Variants in NELL2 observed in about 807,000 individuals in gnomAD.
NELL2 encodes the protein protein kinase C-binding protein NELL2.
Under a neutral mutation model 109.6 loss-of-function variants are expected in NELL2, and 41 were observed. The ratio of observed to expected loss-of-function variants is 0.37; its 90% CI spans 0.29 to 0.49. The LOEUF is 0.49. Among genes scored for constraint, NELL2 ranks in the 20% least tolerant of loss-of-function variants. The pLI, the probability that NELL2 is intolerant of heterozygous loss-of-function variation, is 0.98. For missense variants in NELL2, 900 were observed against 1,008.3 expected (o/e 0.89, Z 1.45); for synonymous variants, 355 against 344.7 (o/e 1.03, Z -0.33).
At chr12:44,724,136 C>G (rs562740403) in intron 9 of NELL2, among the ~76,000 whole-genome samples, 1 of 151,680 alleles carries the variant, frequency 6.6e-6, no homozygotes, top group African/African-American at 2.4e-5. Context: ...CAACCTAACA[C>G]GAGATCAGAA....
chr12:44,749,273 A>G (rs1234990025), intron 9 of NELL2, among the ~76,000 whole-genome samples: 1 of 152,204 alleles, frequency 6.6e-6, no homozygotes, highest in Non-Finnish European at 1.5e-5. Context: ...TAAATAATGC[A>G]TTATCAGCTT....
intron 6 of NELL2, 34 bp downstream of exon 6, chr12:44,777,208 G>A: frequency 6.2e-7 from 1 of 1,606,744 alleles, no homozygotes; most frequent in Non-Finnish European, 8.5e-7. Flanking sequence ...AGTAATATAT[G>A]GGGACTCCAC....
At position 44,513,798 on chromosome 12, in the gene NELL2, G is replaced by A. The variant is rs534239388; in HGVS notation, c.2401-4814C>T. 1.7e-4 allele frequency among the ~76,000 whole-genome samples: 26 copies of A among 151,840 alleles called. No homozygotes were observed. The East Asian group carries it at 4.8e-3, about 28-fold the overall frequency. ...TTTAGGATAATTAAACCATCTAAGCGAATGTTTAATTGGAGTCTCAGAAAA... is the reference window on the plus strand; with the variant it reads ...TTTAGGATAATTAAACCATCTAAGCAAATGTTTAATTGGAGTCTCAGAAAA... On this transcript the variant is annotated intron_variant, in intron 19 of 19. Coordinates refer to ENST00000429094, the MANE Select transcript of NELL2 (RefSeq NM_001145108.2).
intron 13 of NELL2, among the ~76,000 whole-genome samples, chr12:44,649,015 C>T (rs1488406692): frequency 1.3e-5 from 2 of 151,264 alleles, no homozygotes; most frequent in African/African-American, 4.9e-5. Flanking sequence ...ATCCGCCCAC[C>T]TTGGCCTCCC....
intron 15 of NELL2, among the ~76,000 whole-genome samples, chr12:44,569,050 T>C (rs577586580): frequency 5.9e-5 from 9 of 152,068 alleles, no homozygotes; most frequent in Non-Finnish European, 7.4e-5. Flanking sequence ...CACCTTCCAA[T>C]AGGCCCCAGT....
intron 15 of NELL2, among the ~76,000 whole-genome samples, chr12:44,537,094 T>A (rs1481917365): frequency 2.0e-5 from 3 of 151,772 alleles, no homozygotes; most frequent in African/African-American, 7.3e-5. Context: ...GTTTTCTTTG[T>A]CTCTTTCAGG....
chr12:44,694,393 A>C (rs1274273913), intron 12 of NELL2, among the ~76,000 whole-genome samples: 1 of 152,048 alleles, frequency 6.6e-6, no homozygotes, highest in Non-Finnish European at 1.5e-5. Flanking sequence ...AAACTATACC[A>C]CTGGCTCTCC....
At chr12:44,658,646 A>T (rs1168724678) in intron 13 of NELL2, among the ~76,000 whole-genome samples, 1 of 152,114 alleles carries the variant, frequency 6.6e-6, no homozygotes, top group East Asian at 1.9e-4. Flanking sequence ...AATCCTAAGC[A>T]AAAAGGGATC....
chr12:44,805,687 A>T (rs1942976548), intron 3 of NELL2, among the ~76,000 whole-genome samples: 1 of 151,922 alleles, frequency 6.6e-6, no homozygotes, highest in Admixed American at 6.6e-5. Context: ...TTAAACACAG[A>T]TGTATTATTA....
At chr12:44,706,176 A>G (rs1222413090) in intron 11 of NELL2, among the ~76,000 whole-genome samples, 1 of 152,158 alleles carries the variant, frequency 6.6e-6, no homozygotes, top group Admixed American at 6.6e-5. Flanking sequence ...TTTTTATCAG[A>G]TGGGTTTTTT....
chr12:44,663,395 T>C (rs1947816263), intron 13 of NELL2, among the ~76,000 whole-genome samples: 1 of 152,212 alleles, frequency 6.6e-6, no homozygotes. Context: ...GTTTCTCCTC[T>C]TTAAGTGGTA....
intron 13 of NELL2, among the ~76,000 whole-genome samples, chr12:44,646,597 A>G (rs1947103873): frequency 6.6e-6 from 1 of 152,208 alleles, no homozygotes; most frequent in Non-Finnish European, 1.5e-5. Context: ...AAAATACTTT[A>G]TTGTACTGTA....
At chr12:44,581,371 A>C (rs1007398889) in intron 15 of NELL2, among the ~76,000 whole-genome samples, 6 of 152,214 alleles carry the variant, frequency 3.9e-5, no homozygotes, top group African/African-American at 1.4e-4. Context: ...AAACTAATGA[A>C]GGGTTATAAC....
chr12:44,760,460 C>T (rs901030337), intron 9 of NELL2, among the ~76,000 whole-genome samples: 11 of 152,066 alleles, frequency 7.2e-5, no homozygotes, highest in African/African-American at 1.9e-4. Flanking sequence ...TTTAAAAAGA[C>T]GAGTGATGGT....
At chr12:44,568,957 T>C (rs1008682029) in intron 15 of NELL2, among the ~76,000 whole-genome samples, 13 of 152,156 alleles carry the variant, frequency 8.5e-5, no homozygotes, top group African/African-American at 2.7e-4. Flanking sequence ...TGGGATTTTC[T>C]TGTACAGATT....
At chr12:44,543,342 T>A (rs1942659306) in intron 15 of NELL2, among the ~76,000 whole-genome samples, 1 of 152,196 alleles carries the variant, frequency 6.6e-6, no homozygotes. Flanking sequence ...AATCTACTAA[T>A]CACTTCTAAC....
At chr12:44,588,445 A>G (rs1382937227) in intron 15 of NELL2, among the ~76,000 whole-genome samples, 1 of 152,074 alleles carries the variant, frequency 6.6e-6, no homozygotes, top group South Asian at 2.1e-4. Flanking sequence ...GGCCCCTCAG[A>G]CTGCCAAAAT....
intron 15 of NELL2, among the ~76,000 whole-genome samples, chr12:44,579,589 A>G (rs1944249904): frequency 1.3e-5 from 2 of 152,204 alleles, no homozygotes; most frequent in Admixed American, 6.5e-5. Flanking sequence ...GGCTTACCAC[A>G]TAAAACAAAT....
chr12:44,778,066 T>A (rs966407953), intron 5 of NELL2, among the ~76,000 whole-genome samples: 1 of 152,206 alleles, frequency 6.6e-6, no homozygotes, highest in Non-Finnish European at 1.5e-5. Context: ...TCCAGCTGTC[T>A]CTTTTATCTG....
Sources: allele counts gnomAD v4.1 joint callset (sites outside exome capture counted in the v4.1 genomes callset), GRCh38; gene constraint gnomAD v4.1.1; transcripts MANE v1.5; gene names NCBI Gene and HGNC (gene_info 2026-07-23, HGNC 2026-07-21).